Variants in FNBP4 observed in about 807,000 individuals in gnomAD.
FNBP4 encodes formin binding protein 4.
A neutral mutation model predicts 119.3 loss-of-function variants in FNBP4; 34 were observed. The ratio of observed to expected loss-of-function variants is 0.28; its 90% CI spans 0.22 to 0.38. FNBP4 has a LOEUF of 0.38. Ranked by LOEUF, FNBP4 falls within the 10% of genes least tolerant of loss-of-function variation. FNBP4 has a pLI of 1.00. For synonymous variants in FNBP4, 462 were observed against 430.6 expected (o/e 1.07, Z -0.90); for missense variants, 1,112 against 1,228.9 (o/e 0.90, Z 1.42).
In FNBP4 at chr11:47,754,519, AC is replaced by A; in HGVS notation, c.450+8del. On this transcript the variant is annotated splice_region_variant and intron_variant, in intron 3 of 16. Coordinates refer to ENST00000263773, the MANE Select transcript of FNBP4 (RefSeq NM_015308.5). ...AGTAACTAAAACTCCAAACGAAAGC[AC>A]CACTAACCGCTAGGAAGTTGGCCAA... 6.2e-7 allele frequency: 1 copy of A among 1,610,734 alleles called. No individual in the cohort carries two copies. Among genetic ancestry groups the A allele is most frequent in the Non-Finnish European group, 8.5e-7 (1 of 1,178,978 alleles).
intron 15 of FNBP4, among the ~76,000 whole-genome samples, chr11:47,722,365 C>T (rs2097556817): frequency 2.0e-5 from 3 of 151,794 alleles, no homozygotes; most frequent in African/African-American, 4.8e-5. Context: ...TCTCCCGCCT[C>T]AGCCTCTTTA....
rs1373736542 is a variant in FNBP4 at position 47,750,871 on chromosome 11, T to C, written c.906+45A>G. ...CCACTCCTGTGCTCAGAGTAACGCT[T>C]ATTAGATCTGAAAATAAACAAATGA... On this transcript the variant is annotated intron_variant, in intron 6 of 16. Coordinates refer to ENST00000263773, the MANE Select transcript of FNBP4 (RefSeq NM_015308.5). The C allele has an allele frequency of 1.9e-6, 3 of 1,606,614 alleles. No homozygotes were observed. In the Admixed American group the frequency reaches 5.1e-5, roughly 27 times the overall value.
In FNBP4 at chr11:47,740,428, T is replaced by C. The variant is rs1456409762; in HGVS notation, c.1456+3525A>G. ...CCCCGTCTCAAAAAAAAAGTAAATA[T>C]AACATGGCTTATTAAAATATCAAAA... On this transcript the variant is annotated intron_variant, in intron 8 of 16. Transcript: ENST00000263773. Among the ~76,000 whole-genome samples the C allele has an allele frequency of 2.7e-5, 4 of 150,518 alleles. 1 individual carries two copies. Among genetic ancestry groups the C allele is most frequent in the African/African-American group, 9.9e-5 (4 of 40,266 alleles).
At chr11:47,760,030 C>G (rs1468573661) in intron 2 of FNBP4, among the ~76,000 whole-genome samples, 1 of 152,104 alleles carries the variant, frequency 6.6e-6, no homozygotes, top group African/African-American at 2.4e-5. Context: ...AAGTTTCAAT[C>G]AGGTAAGCTG....
chr11:47,753,033 G>A lies in FNBP4; in HGVS notation c.520C>T (p.Pro174Ser). Residue 174 changes from proline to serine, a missense_variant, in exon 4 of 17, where the codon CCT (proline) becomes TCT (serine). By Grantham distance (74) the Pro-to-Ser change is moderately conservative (BLOSUM62 -1). Around this residue, in one of 2 missense-constraint regions of FNBP4, gnomAD observed 286 missense variants for 240.1 expected, o/e 1.19. Transcript: ENST00000263773. ...VGASAPPPTP[P>S]RPEPKEAATS... The stretch of plus-strand genomic sequence containing the variant: ...GCTGCTTCCTTTGGCTCTGGTCGAG[G>A]TGGAGTTGGAGGTGGAGCAGAAGCT... 6.2e-7 allele frequency: 1 copy of A among 1,614,160 alleles called. No individual in the cohort carries two copies. The highest frequency in any genetic ancestry group is 1.1e-5 in the South Asian group (1 of 91,080).
intron 6 of FNBP4, among the ~76,000 whole-genome samples, chr11:47,750,688 CAAAAAAAAAAAAAAAAAAA>C (rs67153479): frequency 5.9e-5 from 4 of 68,064 alleles, no homozygotes; most frequent in Non-Finnish European, 7.4e-5. Flanking sequence ...GACTCTGTCT[CAAAAAAAAAAAAAAAAAAA>C]AAAAAAAAAA....
At chr11:47,765,567 C>CGGGG (rs34848619) in intron 1 of FNBP4, among the ~76,000 whole-genome samples, 5 of 36,400 alleles carry the variant, frequency 1.4e-4, no homozygotes, top group African/African-American at 3.0e-4. Flanking sequence ...GAGGCCAAGA[C>CGGGG]GGGGGGGGGG....
At chr11:47,720,615 G>T (rs948592639) in intron 15 of FNBP4, among the ~76,000 whole-genome samples, 1 of 151,482 alleles carries the variant, frequency 6.6e-6, no homozygotes, top group Non-Finnish European at 1.5e-5. Context: ...ATAAAGCTTT[G>T]TAAATGCGGT....
intron 1 of FNBP4, among the ~76,000 whole-genome samples, chr11:47,765,795 GAA>G (rs1191420535): frequency 7.0e-6 from 1 of 142,314 alleles, no homozygotes; most frequent in Non-Finnish European, 1.5e-5. Context: ...TCAAAAAAAA[GAA>G]AGGACATTTC....
chr11:47,731,560 C>T lies in FNBP4; in HGVS notation c.1822G>A (p.Asp608Asn). The change falls in exon 12 of 17, where the codon GAT becomes AAT. Residue 608 changes from aspartate (D) to asparagine (N), a missense_variant and splice_region_variant. By Grantham distance (23) the Asp-to-Asn change is conservative. Coordinates refer to ENST00000263773, the MANE Select transcript of FNBP4 (RefSeq NM_015308.5). ...PKGWSCHWDR[D>N]HRRYFYVNEQ... Reference sequence around the variant, plus strand: ...TTTACATAGAAATACCGTCTATGATCCCTAAATTACAAGAAAGAAAACACA... The same window carrying T: ...TTTACATAGAAATACCGTCTATGATTCCTAAATTACAAGAAAGAAAACACA... 1.9e-6 allele frequency: 3 copies of T among 1,597,366 alleles called. No individual in the cohort carries two copies. Among genetic ancestry groups the T allele is most frequent in the Non-Finnish European group, 2.6e-6 (3 of 1,175,270 alleles).
intron 12 of FNBP4, chr11:47,729,991 C>G (rs1012196635): frequency 1.0e-6 from 1 of 985,304 alleles, no homozygotes; most frequent in Non-Finnish European, 1.2e-6. Context: ...GGCTCAAGAG[C>G]CTCCTTTTAC....
Position 47,719,916 on chromosome 11 carries a change from C to T in FNBP4, c.2963+13G>A. Reference sequence around the variant, plus strand: ...CCAAAACCCCATCTCATCTGTGTTTCCTTTTCTTTTACCTAACCAGCTGCT... The same window carrying T: ...CCAAAACCCCATCTCATCTGTGTTTTCTTTTCTTTTACCTAACCAGCTGCT... On this transcript the variant is annotated intron_variant, in intron 16 of 16. Transcript: ENST00000263773. 6.2e-7 allele frequency: 1 copy of T among 1,613,350 alleles called. No individual in the cohort carries two copies. The highest frequency in any genetic ancestry group is 8.5e-7 in the Non-Finnish European group (1 of 1,179,632).
intron 9 of FNBP4, among the ~76,000 whole-genome samples, chr11:47,735,240 A>G (rs1040137291): frequency 1.2e-4 from 19 of 152,218 alleles, no homozygotes; most frequent in African/African-American, 4.6e-4. Context: ...TGGAAAAAAT[A>G]GATCCTGAAT....
chr11:47,730,279 C>T (rs953054360), intron 12 of FNBP4: 2 of 975,216 alleles, frequency 2.1e-6, no homozygotes. Flanking sequence ...AAGAAAATCT[C>T]TTCATGTAAA....
At chr11:47,753,914 A>T (rs2097609884) in intron 3 of FNBP4, among the ~76,000 whole-genome samples, 1 of 152,164 alleles carries the variant, frequency 6.6e-6, no homozygotes, top group Non-Finnish European at 1.5e-5. Flanking sequence ...TGAAAGCTTT[A>T]CAAAAAGAAA....
intron 12 of FNBP4, chr11:47,724,984 A>G (rs1423242083): frequency 2.1e-6 from 1 of 474,110 alleles, no homozygotes; most frequent in African/African-American, 2.0e-5. Flanking sequence ...CTATACTGAT[A>G]TCGCTAAAAT....
At chr11:47,752,043 A>G (rs2097605051) in intron 4 of FNBP4, among the ~76,000 whole-genome samples, 1 of 152,156 alleles carries the variant, frequency 6.6e-6, no homozygotes, top group Non-Finnish European at 1.5e-5. Context: ...TGGCAAGGAC[A>G]AGCAATTACT....
chr11:47,732,807 C>G lies in FNBP4; in HGVS notation c.1687-137G>C. 3.8e-6 allele frequency: 3 copies of G among 783,138 alleles called. No individual in the cohort carries two copies. The allele number at this position is 783,138 out of a possible 1,614,324, so 48.5% of individuals were successfully genotyped here. On this transcript the variant is annotated intron_variant, in intron 10 of 16. Coordinates refer to ENST00000263773, the MANE Select transcript of FNBP4 (RefSeq NM_015308.5). This position sits in a 1 kb window ranked among gnomAD's most constrained non-coding sequence, Gnocchi z 4.2. ...CAGTAGACCAGAGAGGAAAATAAAC[C>G]CCATCTTCATCTCATAAAATAATCT...
At chr11:47,740,401 G>A (rs577165726) in intron 8 of FNBP4, among the ~76,000 whole-genome samples, 3 of 150,522 alleles carry the variant, frequency 2.0e-5, no homozygotes, top group Non-Finnish European at 4.4e-5. Context: ...GACAGAGTGA[G>A]ACCCCGTCTC....
Sources: gnomAD v4.1 joint callset for allele counts (sites outside exome capture counted in the v4.1 genomes callset) on GRCh38, gnomAD v4.1.1 for gene constraint, gnomAD v4.1.1 regional missense constraint, Gnocchi (gnomAD v3.1) non-coding constraint, MANE v1.5 for transcripts, NCBI Gene and HGNC (gene_info 2026-07-23, HGNC 2026-07-21) for gene names.